Variants in SLC11A2 observed in about 807,000 individuals in gnomAD.
SLC11A2 encodes natural resistance-associated macrophage protein 2.
Under a neutral mutation model 68.0 loss-of-function variants are expected in SLC11A2, and 38 were observed. The observed-to-expected ratio is 0.56, with a 90% CI of 0.43 to 0.73. The LOEUF is 0.73. SLC11A2 is among the 30% of genes least tolerant of loss of function. The probability of loss-of-function intolerance (pLI) is 0.00; values close to 1 mark genes in which losing one functional copy is unlikely to be tolerated. For synonymous variants in SLC11A2, 242 were observed against 250.6 expected (o/e 0.97, Z 0.32); for missense variants, 517 against 690.5 (o/e 0.75, Z 2.82).
chr12:51,014,456 T>C (rs1408853214), intron 1 of SLC11A2, among the ~76,000 whole-genome samples: 1 of 152,206 alleles, frequency 6.6e-6, no homozygotes, highest in Non-Finnish European at 1.5e-5. Context: ...ATCTCAAGAA[T>C]GAATTATTTC....
At chr12:50,959,593 T>C in the SLC11A2 span, among the ~76,000 whole-genome samples, 3 of 152,212 alleles carry the variant, frequency 2.0e-5, no homozygotes, top group East Asian at 1.9e-4. Flanking sequence ...GTTATACTTA[T>C]GGCATTTATT....
At chr12:51,027,925 G>T (rs925333783), upstream of SLC11A2, among the ~76,000 whole-genome samples, 1 of 151,212 alleles carries the variant, frequency 6.6e-6, no homozygotes, top group Non-Finnish European at 1.5e-5. Context: ...AGTGGGGGGG[G>T]GGGGCTTGGC....
chr12:51,000,471 A>G (rs1265489099), intron 5 of SLC11A2, 52 bp from the exon 6 acceptor site: 2 of 1,403,064 alleles, frequency 1.4e-6, no homozygotes, highest in African/African-American at 2.8e-5. Flanking sequence ...TTTCTAAAAA[A>G]TTCCTCCACA....
chr12:50,974,245 T>C, the SLC11A2 span, among the ~76,000 whole-genome samples: 2 of 152,170 alleles, frequency 1.3e-5, no homozygotes, highest in Admixed American at 6.5e-5. Flanking sequence ...GAGAGAAAGG[T>C]CGGGTTACCC....
chr12:50,954,020 T>A, the SLC11A2 span: 1 of 1,612,188 alleles, frequency 6.2e-7, no homozygotes, highest in Non-Finnish European at 8.5e-7. Flanking sequence ...TAACCAGTGG[T>A]CAGCAGATGA....
At chr12:50,997,104 A>C (rs1372982667) in intron 8 of SLC11A2, 132 bp from the exon 9 acceptor site, 2 of 756,468 alleles carry the variant, frequency 2.6e-6, no homozygotes, top group Middle Eastern at 3.6e-4. Context: ...TTGAGATAGG[A>C]TCTTGCTCTG....
chr12:50,995,796 A>G lies in SLC11A2; in HGVS notation c.832-9T>C, dbSNP rs1941647491. ...CGGTTTACCTGTCTAGACTAGAAAG[A>G]TAACAACAGCAGTCACTTTTTGACC... On this transcript the variant is annotated splice_polypyrimidine_tract_variant and intron_variant, in intron 9 of 15. Coordinates refer to ENST00000262052, the MANE Select transcript of SLC11A2 (RefSeq NM_000617.3). 2 of 1,613,668 alleles carry G rather than the reference A, an allele frequency of 1.2e-6. No individual in the cohort carries two copies. Among genetic ancestry groups the G allele is most frequent in the African/African-American group, 1.3e-5 (1 of 75,066 alleles).
In SLC11A2 at chr12:51,008,243, TAGATAGATAG is replaced by T. The variant is rs1566020200; in HGVS notation, c.183+223_183+232del. On this transcript the variant is annotated intron_variant, in intron 3 of 15. Coordinates refer to ENST00000262052, the MANE Select transcript of SLC11A2 (RefSeq NM_000617.3). ...ATAGACAGATAGATAGATAGATAGATAGATAGATAGATAGATAGACGGACAGACAGACAGA... is the reference window on the plus strand; with the variant it reads ...ATAGACAGATAGATAGATAGATAGATATAGATAGACGGACAGACAGACAGA... 4.7e-5 allele frequency: 20 copies of T among 429,746 alleles called. 2 individuals carry two copies. The highest frequency in any genetic ancestry group is 2.9e-4 in the South Asian group (12 of 41,422). The allele number at this position is 429,746 out of a possible 1,614,324, so 26.6% of individuals were successfully genotyped here. A position where few individuals can be genotyped will look rare whatever the true frequency, so the allele number is the denominator to read the frequency against.
At chr12:50,960,594 G>C in the SLC11A2 span, among the ~76,000 whole-genome samples, 7 of 152,204 alleles carry the variant, frequency 4.6e-5, no homozygotes, top group African/African-American at 1.7e-4. Context: ...AGTCTTTCCT[G>C]CTTATCTTTC....
intron 8 of SLC11A2, 22 bp downstream of exon 8, chr12:50,999,152 A>G (rs758151286): frequency 9.3e-5 from 147 of 1,574,568 alleles, no homozygotes; most frequent in Middle Eastern, 3.3e-4. Flanking sequence ...TAAGAAGCTA[A>G]TGAATATCCT....
downstream of SLC11A2, among the ~76,000 whole-genome samples, chr12:50,976,181 C>T (rs1162994157): frequency 6.6e-6 from 1 of 152,128 alleles, no homozygotes; most frequent in East Asian, 1.9e-4. Flanking sequence ...CTAGCAGAGA[C>T]ACAACAAAAA....
At chr12:51,016,681 C>CAA (rs35475519) in intron 1 of SLC11A2, among the ~76,000 whole-genome samples, 1,516 of 123,320 alleles carry the variant, frequency 0.012, 20 homozygotes, top group Non-Finnish European at 0.019. Context: ...GACTCCATCT[C>CAA]AAAAAAAAAA....
At chr12:51,000,701 A>G in intron 5 of SLC11A2, 1 of 591,070 alleles carries the variant, frequency 1.7e-6, no homozygotes, top group Admixed American at 3.2e-5. Context: ...TGAGAAGAAT[A>G]TAATTGCCAT....
At chr12:50,960,477 TG>T in the SLC11A2 span, among the ~76,000 whole-genome samples, 1 of 152,218 alleles carries the variant, frequency 6.6e-6, no homozygotes, top group African/African-American at 2.4e-5. Context: ...CTAATTTTTC[TG>T]GGAAGAGTCA....
the SLC11A2 span, chr12:50,970,473 T>C: frequency 6.5e-7 from 1 of 1,532,564 alleles, no homozygotes; most frequent in East Asian, 2.4e-5. Flanking sequence ...AGGATTACAT[T>C]AGACCACGAT....
chr12:50,971,472 CTT>C, the SLC11A2 span, among the ~76,000 whole-genome samples: 1 of 152,156 alleles, frequency 6.6e-6, no homozygotes, highest in Non-Finnish European at 1.5e-5. Flanking sequence ...AAACACATTT[CTT>C]TTTCCTGAGA....
chr12:51,026,564 G>A (rs977420326), upstream of SLC11A2: 6 of 339,936 alleles, frequency 1.8e-5, no homozygotes, highest in Non-Finnish European at 3.3e-5. Flanking sequence ...GGCACCCGGC[G>A]GGAGCTGCAT....
At chr12:50,994,486 C>A in intron 11 of SLC11A2, 58 bp downstream of exon 11, 1 of 1,101,060 alleles carries the variant, frequency 9.1e-7, no homozygotes, top group Non-Finnish European at 1.4e-6. Context: ...AAAAAGACCA[C>A]ATACTATGCT....
intron 13 of SLC11A2, 150 bp from the exon 14 acceptor site, chr12:50,991,822 T>C (rs1941181618): frequency 1.4e-6 from 1 of 714,184 alleles, no homozygotes; most frequent in African/African-American, 1.8e-5. Flanking sequence ...TTGGGCATTA[T>C]GCTGAATTCT....
Sources: allele counts gnomAD v4.1 joint callset (sites outside exome capture counted in the v4.1 genomes callset), GRCh38; gene constraint gnomAD v4.1.1; transcripts MANE v1.5; gene names NCBI Gene and HGNC (gene_info 2026-07-23, HGNC 2026-07-21).